The following ASIC2 variants were observed in gnomAD, a reference collection of about 807,000 sequenced individuals.
ASIC2 encodes the protein acid sensing ion channel subunit 2, also known as acid-sensing ion channel 2.
In ASIC2, 25 loss-of-function variants were observed where a neutral mutation model predicts 57.3. The observed-to-expected ratio is 0.44, with a 90% CI of 0.32 to 0.61. The LOEUF (loss-of-function observed/expected upper bound fraction) is 0.61. ASIC2 is among the 20% of genes least tolerant of loss of function. ASIC2 has a pLI of 0.06. For synonymous variants in ASIC2, 319 were observed against 307.5 expected, an observed-to-expected ratio of 1.04 and a Z score of -0.39; for missense variants, 641 against 738.1, an observed-to-expected ratio of 0.87 and a Z score of 1.52.
At chr17:34,022,844 C>T (rs1907229719) in intron 1 of ASIC2, among the ~76,000 whole-genome samples, 2 of 152,164 alleles carry the variant, frequency 1.3e-5, no homozygotes, top group Admixed American at 1.3e-4. Context: ...GTCCAAATCT[C>T]ATGTCAAATT....
chr17:33,188,685 A>G (rs1432666364), intron 1 of ASIC2, among the ~76,000 whole-genome samples: 2 of 152,164 alleles, frequency 1.3e-5, no homozygotes, highest in Non-Finnish European at 2.9e-5. Flanking sequence ...AGTAACTGTT[A>G]ACCTAAAATT....
intron 1 of ASIC2, among the ~76,000 whole-genome samples, chr17:33,522,179 T>G (rs1407845328): frequency 6.6e-6 from 1 of 152,230 alleles, no homozygotes; most frequent in East Asian, 1.9e-4. Context: ...CCTTGTGCCC[T>G]CTGCTCAGTA....
At chr17:33,877,260 G>A (rs1454030308) in intron 1 of ASIC2, among the ~76,000 whole-genome samples, 31 of 152,080 alleles carry the variant, frequency 2.0e-4, no homozygotes, top group Non-Finnish European at 2.6e-4. Context: ...GGGGAGTGTC[G>A]GACAGTGGGT....
chr17:33,990,851 T>C (rs1052280188), intron 1 of ASIC2, among the ~76,000 whole-genome samples: 1 of 151,578 alleles, frequency 6.6e-6, no homozygotes, highest in Non-Finnish European at 1.5e-5. Flanking sequence ...TAAACACAAA[T>C]AAAAAAATTT....
intron 1 of ASIC2, among the ~76,000 whole-genome samples, chr17:33,567,415 G>T (rs891629085): frequency 2.0e-5 from 3 of 152,204 alleles, no homozygotes; most frequent in Non-Finnish European, 4.4e-5. Flanking sequence ...CCACTGCAAA[G>T]AATGTGAATT....
chr17:33,554,877 G>A (rs1915859445), intron 1 of ASIC2, among the ~76,000 whole-genome samples: 1 of 152,070 alleles, frequency 6.6e-6, no homozygotes. Flanking sequence ...CATCTGAAAT[G>A]AACTCCCAGC....
At chr17:33,406,374 G>A (rs544178491) in intron 1 of ASIC2, among the ~76,000 whole-genome samples, 6 of 152,276 alleles carry the variant, frequency 3.9e-5, no homozygotes, top group African/African-American at 1.4e-4. Flanking sequence ...TGTGGACGGG[G>A]CATAAATTAT....
At chr17:33,496,362 C>A (rs1040344318) in intron 1 of ASIC2, among the ~76,000 whole-genome samples, 1 of 152,134 alleles carries the variant, frequency 6.6e-6, no homozygotes, top group African/African-American at 2.4e-5. Context: ...GATCAGGGCT[C>A]CTCTCCCACT....
chr17:33,617,584 A>G (rs1485269244), intron 1 of ASIC2, among the ~76,000 whole-genome samples: 3 of 152,174 alleles, frequency 2.0e-5, no homozygotes, highest in African/African-American at 7.2e-5. Flanking sequence ...TAATCTGTAC[A>G]CCAGACCCCT....
intron 1 of ASIC2, chr17:34,155,679 C>A (rs1904691347): frequency 5.0e-6 from 2 of 402,532 alleles, no homozygotes; most frequent in South Asian, 3.2e-5. Flanking sequence ...ACGGACAGCC[C>A]AGGCCTCCTC....
intron 1 of ASIC2, among the ~76,000 whole-genome samples, chr17:34,131,794 CA>C (rs1362978981): frequency 6.6e-6 from 1 of 152,192 alleles, no homozygotes; most frequent in Admixed American, 6.5e-5. Context: ...GCCCCCTGTC[CA>C]AATGGGACCA....
At chr17:33,719,869 A>G (rs1909334785) in intron 1 of ASIC2, among the ~76,000 whole-genome samples, 1 of 152,192 alleles carries the variant, frequency 6.6e-6, no homozygotes, top group Non-Finnish European at 1.5e-5. Context: ...TCATCCAGGC[A>G]GGCCAAGGGA....
intron 1 of ASIC2, among the ~76,000 whole-genome samples, chr17:33,263,097 T>A (rs1909342637): frequency 6.6e-6 from 1 of 152,218 alleles, no homozygotes; most frequent in South Asian, 2.1e-4. Flanking sequence ...GGGAAGGGCA[T>A]CTGTTTGTTA....
At chr17:34,076,468 C>G (rs1304735696) in intron 1 of ASIC2, among the ~76,000 whole-genome samples, 1 of 152,180 alleles carries the variant, frequency 6.6e-6, no homozygotes, top group East Asian at 1.9e-4. Context: ...ACCTTCATAT[C>G]TACCTTTTAT....
intron 1 of ASIC2, among the ~76,000 whole-genome samples, chr17:33,435,584 T>C (rs1911582788): frequency 6.6e-6 from 1 of 152,182 alleles, no homozygotes; most frequent in African/African-American, 2.4e-5. Flanking sequence ...GAGCCAGTCA[T>C]TATCTTGAAA....
At chr17:34,070,390 A>T (rs1267083221) in intron 1 of ASIC2, 3 of 152,180 alleles carry the variant, frequency 2.0e-5, no homozygotes, top group Non-Finnish European at 4.4e-5. Flanking sequence ...TGGGTACATG[A>T]TTCCCCTTCC....
intron 1 of ASIC2, among the ~76,000 whole-genome samples, chr17:33,519,438 C>T (rs1914675835): frequency 1.3e-5 from 2 of 152,146 alleles, no homozygotes; most frequent in Non-Finnish European, 2.9e-5. Context: ...CGAGCTATGA[C>T]CCCCGTATTT....
chr17:33,474,748 A>T (rs1165582602), intron 1 of ASIC2, among the ~76,000 whole-genome samples: 1 of 152,172 alleles, frequency 6.6e-6, no homozygotes, highest in Non-Finnish European at 1.5e-5. Flanking sequence ...CCAGCCTCCT[A>T]TGGCAGAGGG....
chr17:33,426,121 T>G (rs1335646060), intron 1 of ASIC2, among the ~76,000 whole-genome samples: 1 of 152,174 alleles, frequency 6.6e-6, no homozygotes, highest in Non-Finnish European at 1.5e-5. Context: ...GTTGTTGAAC[T>G]ATTTGTTTTT....
Sources: gnomAD v4.1 joint callset for allele counts (sites outside exome capture counted in the v4.1 genomes callset) on GRCh38, gnomAD v4.1.1 for gene constraint, MANE v1.5 for transcripts, NCBI Gene and HGNC (gene_info 2026-07-23, HGNC 2026-07-21) for gene names.